The following RASSF8 variants were observed in gnomAD, a reference collection of about 807,000 sequenced individuals.
The protein encoded by RASSF8 is ras association domain-containing protein 8.
In RASSF8, 22 loss-of-function variants were observed where a neutral mutation model predicts 48.5. The observed-to-expected ratio is 0.45, with a 90% CI of 0.32 to 0.65. The LOEUF is 0.65. RASSF8 is among the 30% of genes least tolerant of loss of function. The pLI, the probability that RASSF8 is intolerant of heterozygous loss-of-function variation, is 0.03. For missense variants in RASSF8, 418 were observed against 489.2 expected (o/e 0.85, Z 1.37); for synonymous variants, 127 against 171.5 (o/e 0.74, Z 2.03).
intron 2 of RASSF8, among the ~76,000 whole-genome samples, chr12:26,000,170 A>T (rs1236733739): frequency 1.3e-5 from 2 of 152,210 alleles, no homozygotes; most frequent in East Asian, 3.8e-4. Flanking sequence ...TGAAAATGGT[A>T]TGATTTTGAT....
chr12:25,958,510 AGGCGCGGGCGG>A (rs1361901915), upstream of RASSF8: 1 of 150,742 alleles, frequency 6.6e-6, no homozygotes, highest in Non-Finnish European at 1.5e-5. Flanking sequence ...CGAGCGGGCC[AGGCGCGGGCGG>A]GGCGCGGAGG....
intron 3 of RASSF8, among the ~76,000 whole-genome samples, chr12:26,056,234 T>C (rs1385007916): frequency 6.6e-6 from 1 of 152,134 alleles, no homozygotes; most frequent in Non-Finnish European, 1.5e-5. Flanking sequence ...GAAGCACAGC[T>C]CTTGGCTTCA....
At chr12:26,036,178 G>A (rs1443212168) in intron 2 of RASSF8, among the ~76,000 whole-genome samples, 1 of 151,730 alleles carries the variant, frequency 6.6e-6, no homozygotes, top group Non-Finnish European at 1.5e-5. Context: ...TTAAATCCAT[G>A]TTCCTCGCTA....
At chr12:26,051,542 G>A (rs1943490264) in intron 2 of RASSF8, among the ~76,000 whole-genome samples, 1 of 151,996 alleles carries the variant, frequency 6.6e-6, no homozygotes, top group Non-Finnish European at 1.5e-5. Flanking sequence ...TATGCAATAA[G>A]TATAAATATT....
intron 2 of RASSF8, among the ~76,000 whole-genome samples, chr12:25,997,441 T>A (rs1942158621): frequency 6.6e-6 from 1 of 152,124 alleles, no homozygotes; most frequent in African/African-American, 2.4e-5. Flanking sequence ...ACTCTCAATA[T>A]TTTATATTTT....
chr12:26,010,060 C>T (rs1262775751), intron 2 of RASSF8, among the ~76,000 whole-genome samples: 1 of 152,166 alleles, frequency 6.6e-6, no homozygotes, highest in Non-Finnish European at 1.5e-5. Context: ...CCACAGGGTC[C>T]TGCCCCTGCA....
intron 2 of RASSF8, among the ~76,000 whole-genome samples, chr12:26,015,323 C>G (rs756461523): frequency 2.0e-5 from 3 of 152,100 alleles, no homozygotes; most frequent in Non-Finnish European, 4.4e-5. Flanking sequence ...TCATGGAGAT[C>G]AGGGTTGGAA....
intron 1 of RASSF8, among the ~76,000 whole-genome samples, chr12:25,969,148 A>G (rs1353535884): frequency 2.6e-5 from 4 of 152,188 alleles, no homozygotes; most frequent in African/African-American, 7.2e-5. Context: ...GGCTATGACA[A>G]GGATCTTGGT....
chr12:25,986,820 T>G (rs555813666), intron 1 of RASSF8, among the ~76,000 whole-genome samples: 58 of 152,344 alleles, frequency 3.8e-4, no homozygotes, highest in African/African-American at 1.3e-3. Flanking sequence ...TTTAATTTCC[T>G]TTCGTTATCC....
At chr12:26,039,226 A>T (rs1266746628) in intron 2 of RASSF8, among the ~76,000 whole-genome samples, 1 of 152,224 alleles carries the variant, frequency 6.6e-6, no homozygotes, top group Admixed American at 6.5e-5. Context: ...CTAAGTAGAT[A>T]CGACAGTCTT....
chr12:25,967,205 G>A (rs1222126062), intron 1 of RASSF8, among the ~76,000 whole-genome samples: 1 of 152,130 alleles, frequency 6.6e-6, no homozygotes, highest in Non-Finnish European at 1.5e-5. Flanking sequence ...TTTTTGTCAC[G>A]TTTAATCACA....
chr12:26,063,733 GTTT>G (rs570771077), intron 3 of RASSF8, among the ~76,000 whole-genome samples: 1 of 137,954 alleles, frequency 7.2e-6, no homozygotes. Context: ...TTTGCTTTGA[GTTT>G]TTTTTTTTTT....
intron 2 of RASSF8, among the ~76,000 whole-genome samples, chr12:26,010,490 G>A (rs929712997): frequency 2.0e-5 from 3 of 152,170 alleles, no homozygotes; most frequent in Non-Finnish European, 4.4e-5. Flanking sequence ...ATATATTTGT[G>A]CCCCAGCTGC....
chr12:25,993,911 T>G (rs1370410692), intron 1 of RASSF8, among the ~76,000 whole-genome samples: 1 of 152,226 alleles, frequency 6.6e-6, no homozygotes, highest in Non-Finnish European at 1.5e-5. Context: ...TTGTTACAAC[T>G]GTAACACTAT....
intron 3 of RASSF8, among the ~76,000 whole-genome samples, chr12:26,058,538 G>GCGGACGCA (rs377669426): frequency 1.3e-5 from 2 of 148,998 alleles, no homozygotes; most frequent in South Asian, 4.2e-4. Context: ...ACGCGCGCGC[G>GCGGACGCA]CACACACACA....
rs1299544413 is a variant in RASSF8 at position 26,070,616 on chromosome 12, G to A, written c.*1798G>A. 2 of 956,092 alleles carry A rather than the reference G, an allele frequency of 2.1e-6. No homozygotes were observed. Among genetic ancestry groups the A allele is most frequent in the Admixed American group, 6.2e-5 (1 of 16,186 alleles). 59.2% of individuals were successfully genotyped at this position (956,092 alleles called of 1,614,324 possible). A position where few individuals can be genotyped will look rare whatever the true frequency, so the allele number is the denominator to read the frequency against. On this transcript the variant is annotated 3_prime_UTR_variant, in exon 6 of 6. Coordinates refer to ENST00000689635, the MANE Select transcript of RASSF8 (RefSeq NM_001394098.1). ...TTCTATCTACCTATATTTAAAATTA[G>A]GATGATTAAAAAATAATTTATAGAT...
In RASSF8 at chr12:26,046,602, C is replaced by T. The variant is rs575093328; in HGVS notation, c.-108-8634C>T. ...CTATAATCCCAGCACTTTGGGAGAT[C>T]GAGGTAGGAGAATCACTTGAGACCA... On this transcript the variant is annotated intron_variant, in intron 2 of 5. Coordinates refer to ENST00000689635, the MANE Select transcript of RASSF8 (RefSeq NM_001394098.1). Among the ~76,000 whole-genome samples the T allele has an allele frequency of 9.2e-5, 14 of 151,816 alleles. No individual in the cohort carries two copies. The South Asian group carries it at 2.3e-3, about 25-fold the overall frequency.
chr12:26,035,893 TATAATC>T (rs1943139632), intron 2 of RASSF8, among the ~76,000 whole-genome samples: 1 of 145,896 alleles, frequency 6.9e-6, no homozygotes, highest in African/African-American at 2.5e-5. Context: ...TATATATAAT[TATAATC>T]ATATATGATT....
intron 2 of RASSF8, among the ~76,000 whole-genome samples, chr12:26,026,294 T>G (rs1376633260): frequency 1.3e-5 from 2 of 152,148 alleles, no homozygotes; most frequent in Non-Finnish European, 2.9e-5. Context: ...ATTAGAAAAT[T>G]GACAAAGTAT....
Sources: allele counts gnomAD v4.1 joint callset (sites outside exome capture counted in the v4.1 genomes callset), GRCh38; gene constraint gnomAD v4.1.1; transcripts MANE v1.5; gene names NCBI Gene and HGNC (gene_info 2026-07-23, HGNC 2026-07-21).